DPP6: variants seen among roughly 807,000 people sequenced by gnomAD.
DPP6 encodes the protein dipeptidyl peptidase like 6, also known as A-type potassium channel modulatory protein DPP6.
In DPP6, 69 loss-of-function variants were observed where a neutral mutation model predicts 122.6. The observed-to-expected ratio is 0.56, with a 90% confidence interval of 0.46 to 0.69. The LOEUF (loss-of-function observed/expected upper bound fraction) is 0.69, where lower values mean the gene tolerates loss of function less well. Ranked by LOEUF, DPP6 falls within the 30% of genes least tolerant of loss-of-function variation. The pLI, the probability that DPP6 is intolerant of heterozygous loss-of-function variation, is 0.00. For synonymous variants in DPP6, 418 were observed against 433.1 expected (o/e 0.97, Z 0.43); for missense variants, 928 against 1,116.9 (o/e 0.83, Z 2.41).
chr7:153,852,151 C>T, the DPP6 span, among the ~76,000 whole-genome samples: 3 of 152,120 alleles, frequency 2.0e-5, no homozygotes, highest in Non-Finnish European at 2.9e-5. Flanking sequence ...CTGTTAGGCT[C>T]GATGTCAGCA....
intron 1 of DPP6, among the ~76,000 whole-genome samples, chr7:154,308,432 T>A (rs1806565234): frequency 2.0e-5 from 3 of 152,196 alleles, no homozygotes; most frequent in African/African-American, 7.2e-5. Context: ...TCTCTTTCTC[T>A]TTGGAGATGC....
At chr7:154,179,974 A>G (rs1383864756) in intron 1 of DPP6, among the ~76,000 whole-genome samples, 4 of 152,230 alleles carry the variant, frequency 2.6e-5, no homozygotes, top group Non-Finnish European at 5.9e-5. Context: ...TGAGACTCTC[A>G]TAAGAGGATT....
intron 2 of DPP6, among the ~76,000 whole-genome samples, chr7:154,459,962 T>C (rs539940484): frequency 4.7e-4 from 71 of 150,190 alleles, no homozygotes; most frequent in African/African-American, 1.6e-3. Context: ...TCTTCTGATA[T>C]TTATTCATGT....
rs71803736 is a variant in DPP6 at position 154,755,148 on chromosome 7, TA to T, written c.884-14253del. Among the ~76,000 whole-genome samples, 746 of 131,466 alleles carry T rather than the reference TA, an allele frequency of 5.7e-3. 4 individuals are homozygous for T. Among genetic ancestry groups the T allele is most frequent in the African/African-American group, 0.011 (415 of 36,612 alleles). 86.2% of individuals were successfully genotyped at this position (131,466 alleles called of 152,430 possible). ...TCCCAGAACTTAAAGTAAAATAAAT[TA>T]AAAAAAAAAAAAAAAGAAACTGAAC... On this transcript the variant is annotated intron_variant, in intron 8 of 25. Coordinates refer to ENST00000377770, the MANE Select transcript of DPP6 (RefSeq NM_130797.4). The surrounding 1 kb of genome is among the most constrained non-coding windows in gnomAD (Gnocchi z 4.7).
At chr7:154,693,896 G>A (rs62475218) in intron 7 of DPP6, among the ~76,000 whole-genome samples, 12,726 of 152,236 alleles carry the variant, frequency 0.084, 555 homozygotes, top group South Asian at 0.13. Flanking sequence ...TGTGGTGTGA[G>A]AGTAATAGAT....
chr7:153,896,637 CAA>C lies in DPP6; in HGVS notation c.51+8909_51+8910del, dbSNP rs936695915. On this transcript the variant is annotated intron_variant, in intron 1 of 25. Transcript: ENST00000404039. Reference sequence around the variant, plus strand: ...CTGTGCAACATAGACAGCATCTCTACAAAAAAATTTTTAAAAATAATTATCCA... The same window carrying C: ...CTGTGCAACATAGACAGCATCTCTACAAAAATTTTTAAAAATAATTATCCA... Among the ~76,000 whole-genome samples the C allele has an allele frequency of 5.3e-5, 8 of 151,982 alleles. No individual in the cohort carries two copies. In the East Asian group the frequency reaches 1.5e-3, roughly 29 times the overall value.
At chr7:154,057,964 T>G (rs967697496) in intron 1 of DPP6, 2 of 150,784 alleles carry the variant, frequency 1.3e-5, no homozygotes, top group Non-Finnish European at 2.9e-5. Flanking sequence ...GCCCTGCTAG[T>G]ACAAGAAGCA....
At chr7:154,150,887 C>T (rs758324932) in intron 1 of DPP6, among the ~76,000 whole-genome samples, 1 of 152,208 alleles carries the variant, frequency 6.6e-6, no homozygotes, top group Non-Finnish European at 1.5e-5. Context: ...TTTGGAGGCT[C>T]TTCCTCCCCA....
At chr7:154,656,643 A>C (rs1837270946) in intron 6 of DPP6, among the ~76,000 whole-genome samples, 1 of 152,240 alleles carries the variant, frequency 6.6e-6, no homozygotes, top group East Asian at 1.9e-4. Context: ...GATTTGGACC[A>C]CTCACTGGAT....
At chr7:154,160,574 C>T (rs997066834) in intron 1 of DPP6, among the ~76,000 whole-genome samples, 34 of 152,218 alleles carry the variant, frequency 2.2e-4, no homozygotes, top group African/African-American at 7.2e-4. Context: ...GAGGATGTGG[C>T]GCTTAGAAGC....
intron 1 of DPP6, among the ~76,000 whole-genome samples, chr7:154,413,000 G>A (rs752719093): frequency 6.6e-6 from 1 of 152,206 alleles, no homozygotes; most frequent in East Asian, 1.9e-4. Context: ...GGTCCAAGAG[G>A]CATCAGCATC....
intron 3 of DPP6, among the ~76,000 whole-genome samples, chr7:154,526,799 G>A (rs1379149698): frequency 6.6e-6 from 1 of 152,174 alleles, no homozygotes; most frequent in Non-Finnish European, 1.5e-5. Context: ...ATGAGAGGCA[G>A]TGTATCTACA....
At chr7:154,534,709 C>G (rs976355780) in intron 3 of DPP6, among the ~76,000 whole-genome samples, 1 of 151,966 alleles carries the variant, frequency 6.6e-6, no homozygotes, top group Non-Finnish European at 1.5e-5. Flanking sequence ...CAAAATGAAG[C>G]TAAGAACGAT....
chr7:154,216,592 G>C (rs1800010882), intron 1 of DPP6, among the ~76,000 whole-genome samples: 1 of 152,144 alleles, frequency 6.6e-6, no homozygotes, highest in African/African-American at 2.4e-5. Flanking sequence ...GGAGGTTGGA[G>C]GGTGTATGAT....
chr7:154,729,649 G>T (rs916433125), intron 8 of DPP6, among the ~76,000 whole-genome samples: 3 of 152,148 alleles, frequency 2.0e-5, no homozygotes, highest in Non-Finnish European at 4.4e-5. Flanking sequence ...GACTGCCACG[G>T]TCCTGGGGGC....
At chr7:154,361,724 T>A (rs1382325816) in intron 1 of DPP6, among the ~76,000 whole-genome samples, 1 of 152,190 alleles carries the variant, frequency 6.6e-6, no homozygotes, top group Non-Finnish European at 1.5e-5. Flanking sequence ...TCATTGTTAA[T>A]GTATTGCCCA....
intron 6 of DPP6, among the ~76,000 whole-genome samples, chr7:154,640,010 G>A (rs911587638): frequency 1.3e-5 from 2 of 152,136 alleles, no homozygotes; most frequent in African/African-American, 4.8e-5. Flanking sequence ...CCAACACTCC[G>A]GGAGGCCAAG....
chr7:154,471,656 G>A (rs940780761), intron 2 of DPP6, among the ~76,000 whole-genome samples: 2 of 151,864 alleles, frequency 1.3e-5, no homozygotes, highest in African/African-American at 4.8e-5. Context: ...CAGAACACTT[G>A]TAAGACAGAA....
chr7:154,380,759 G>A (rs181176329), intron 1 of DPP6, among the ~76,000 whole-genome samples: 10 of 152,346 alleles, frequency 6.6e-5, no homozygotes, highest in Middle Eastern at 3.4e-3. Flanking sequence ...CAGAAGAGGG[G>A]TTTGGTGAGA....
Sources: allele counts gnomAD v4.1 joint callset (sites outside exome capture counted in the v4.1 genomes callset), GRCh38; gene constraint gnomAD v4.1.1; non-coding constraint Gnocchi (gnomAD v3.1); transcripts MANE v1.5; gene names NCBI Gene and HGNC (gene_info 2026-07-23, HGNC 2026-07-21).